The following LDB2 variants were observed in gnomAD, a reference collection of about 807,000 sequenced individuals.
LDB2 encodes the protein LIM domain binding 2.
LDB2 carries 12 observed loss-of-function variants against 44.3 expected under a neutral mutation model. The observed-to-expected ratio is 0.27, with a 90% CI of 0.17 to 0.44. The LOEUF (loss-of-function observed/expected upper bound fraction) is 0.44, where lower values mean the gene tolerates loss of function less well. Among genes scored for constraint, LDB2 ranks in the 20% least tolerant of loss-of-function variants. LDB2 has a pLI of 1.00. For synonymous variants in LDB2, 164 were observed against 174.8 expected (o/e 0.94, Z 0.49); for missense variants, 344 against 473.5 (o/e 0.73, Z 2.54).
chr4:16,670,241 T>C (rs1394674746), intron 2 of LDB2, among the ~76,000 whole-genome samples: 3 of 152,206 alleles, frequency 2.0e-5, no homozygotes, highest in African/African-American at 7.2e-5. Context: ...AAGGACAGTC[T>C]ACTGGTACAA....
chr4:16,635,306 C>T (rs1733286657), intron 2 of LDB2, among the ~76,000 whole-genome samples: 1 of 151,908 alleles, frequency 6.6e-6, no homozygotes, highest in Non-Finnish European at 1.5e-5. Context: ...AAAATTGAGT[C>T]ACCCACATCC....
At chr4:16,809,751 A>AAAC (rs1561302562) in intron 1 of LDB2, among the ~76,000 whole-genome samples, 2,168 of 151,924 alleles carry the variant, frequency 0.014, 47 homozygotes, top group African/African-American at 0.05. Context: ...CAAAAAAAAA[A>AAAC]CGGAACTACA....
chr4:16,859,637 A>T (rs1711805702), intron 1 of LDB2, among the ~76,000 whole-genome samples: 1 of 152,044 alleles, frequency 6.6e-6, no homozygotes, highest in Admixed American at 6.6e-5. Context: ...TGACTCAGAG[A>T]CTCAGTACAG....
chr4:16,580,433 A>G (rs967517206), intron 5 of LDB2, among the ~76,000 whole-genome samples: 1 of 152,206 alleles, frequency 6.6e-6, no homozygotes, highest in African/African-American at 2.4e-5. Flanking sequence ...TTCTGGAATG[A>G]CCTGAAGTCC....
chr4:16,841,134 C>G (rs1785816571), intron 1 of LDB2, among the ~76,000 whole-genome samples: 1 of 152,104 alleles, frequency 6.6e-6, no homozygotes, highest in Non-Finnish European at 1.5e-5. Flanking sequence ...TATAGAATAC[C>G]ATTTTTTTTT....
chr4:16,674,244 A>T, intron 2 of LDB2: 1 of 1,289,118 alleles, frequency 7.8e-7, no homozygotes. Context: ...AAATTGTAAT[A>T]ATCCATCACA....
chr4:16,835,558 T>C (rs767381468), intron 1 of LDB2, among the ~76,000 whole-genome samples: 7 of 152,246 alleles, frequency 4.6e-5, no homozygotes, highest in Non-Finnish European at 7.3e-5. Flanking sequence ...AAGGCTGTTA[T>C]AAATATTTTT....
chr4:16,600,808 T>C (rs1254998800), intron 2 of LDB2, among the ~76,000 whole-genome samples: 1 of 152,132 alleles, frequency 6.6e-6, no homozygotes, highest in East Asian at 1.9e-4. Flanking sequence ...TACTTGTAGA[T>C]ATTAGGATAT....
chr4:16,759,822 G>A (rs542460031), intron 1 of LDB2, among the ~76,000 whole-genome samples: 38 of 152,338 alleles, frequency 2.5e-4, no homozygotes, highest in African/African-American at 8.9e-4. Flanking sequence ...TATATGGACT[G>A]TTCTTGATTG....
chr4:16,850,400 T>G (rs972663645), intron 1 of LDB2, among the ~76,000 whole-genome samples: 1 of 152,166 alleles, frequency 6.6e-6, no homozygotes, highest in African/African-American at 2.4e-5. Context: ...ATATCTACAT[T>G]ATAGAAATAT....
At chr4:16,566,648 C>A (rs534674812) in intron 5 of LDB2, among the ~76,000 whole-genome samples, 10 of 152,152 alleles carry the variant, frequency 6.6e-5, no homozygotes, top group Admixed American at 2.0e-4. Context: ...AACCAGATGA[C>A]ATAGGGAAAA....
At chr4:16,815,915 A>G (rs1009180611) in intron 1 of LDB2, among the ~76,000 whole-genome samples, 1 of 152,214 alleles carries the variant, frequency 6.6e-6, no homozygotes, top group Non-Finnish European at 1.5e-5. Flanking sequence ...GCTTAAAATC[A>G]TATTACTTCA....
At chr4:16,557,819 G>C (rs1456829620) in intron 5 of LDB2, among the ~76,000 whole-genome samples, 1 of 152,222 alleles carries the variant, frequency 6.6e-6, no homozygotes, top group Non-Finnish European at 1.5e-5. Context: ...GCACCCCCCA[G>C]TAGGGGCAGA....
intron 1 of LDB2, among the ~76,000 whole-genome samples, chr4:16,851,252 A>C (rs538575046): frequency 1.3e-4 from 20 of 152,160 alleles, no homozygotes; most frequent in Admixed American, 3.9e-4. Flanking sequence ...ATATGCTCTC[A>C]CAAGCAGGTA....
At chr4:16,875,155 T>A (rs747468243) in intron 1 of LDB2, among the ~76,000 whole-genome samples, 9 of 152,000 alleles carry the variant, frequency 5.9e-5, no homozygotes, top group Non-Finnish European at 1.3e-4. Flanking sequence ...CAATAGCAGC[T>A]GGGGAAACAT....
intron 2 of LDB2, among the ~76,000 whole-genome samples, chr4:16,626,447 A>G (rs1730304634): frequency 6.6e-6 from 1 of 152,220 alleles, no homozygotes; most frequent in African/African-American, 2.4e-5. Flanking sequence ...AAAGTTTGAA[A>G]TTGGTCACGA....
chr4:16,517,773 G>A (rs1724331824), intron 5 of LDB2, among the ~76,000 whole-genome samples: 1 of 152,232 alleles, frequency 6.6e-6, no homozygotes, highest in African/African-American at 2.4e-5. Context: ...GTTTTAGGTT[G>A]AGCTTGCTCT....
chr4:16,756,909 C>A (rs1303201930), intron 2 of LDB2, among the ~76,000 whole-genome samples: 1 of 150,468 alleles, frequency 6.6e-6, no homozygotes, highest in Non-Finnish European at 1.5e-5. Context: ...AAAAAAAAAA[C>A]CCTCAGCTAA....
intron 1 of LDB2, among the ~76,000 whole-genome samples, chr4:16,881,766 T>C (rs948914404): frequency 6.6e-6 from 1 of 152,148 alleles, no homozygotes; most frequent in Non-Finnish European, 1.5e-5. Flanking sequence ...AAGTCTTCAG[T>C]GGACTTTAAA....
Sources: gnomAD v4.1 joint callset for allele counts (sites outside exome capture counted in the v4.1 genomes callset) on GRCh38, gnomAD v4.1.1 for gene constraint, MANE v1.5 for transcripts, NCBI Gene and HGNC (gene_info 2026-07-23, HGNC 2026-07-21) for gene names.